Variants in ABCB1 observed in about 807,000 individuals in gnomAD.
ABCB1 encodes the protein ATP-dependent translocase ABCB1.
A neutral mutation model predicts 142.0 loss-of-function variants in ABCB1; 69 were observed. The ratio of observed to expected loss-of-function variants is 0.49; its 90% CI spans 0.40 to 0.59. The LOEUF is 0.59. ABCB1 is among the 20% of genes least tolerant of loss of function. The pLI, the probability that ABCB1 is intolerant of heterozygous loss-of-function variation, is 0.00. For synonymous variants in ABCB1, 532 were observed against 539.2 expected, an observed-to-expected ratio of 0.99 and a Z score of 0.18; for missense variants, 1,326 against 1,554.7, an observed-to-expected ratio of 0.85 and a Z score of 2.47.
chr7:87,567,821 G>A lies in ABCB1; in HGVS notation c.339-845C>T, dbSNP rs28381845. ...ATTTAAAAAAGCAAACAGGCCAGGC[G>A]TGGTGGCTCACGCCTATAATCCCAG... On this transcript the variant is annotated intron_variant, in intron 5 of 27. Coordinates refer to ENST00000622132, the MANE Select transcript of ABCB1 (RefSeq NM_001348946.2). 3.5e-3 allele frequency among the ~76,000 whole-genome samples: 533 copies of A among 152,254 alleles called. 1 individual carries two copies. The highest frequency in any genetic ancestry group is 0.011 in the African/African-American group (440 of 41,548).
chr7:87,528,191 G>A (rs903884033), intron 21 of ABCB1, among the ~76,000 whole-genome samples: 2 of 152,158 alleles, frequency 1.3e-5, no homozygotes, highest in African/African-American at 4.8e-5. Context: ...GGTGAGATTT[G>A]GATGAGGACA....
At chr7:87,710,462 T>C in intron 1 of ABCB1, 1 of 647,156 alleles carries the variant, frequency 1.5e-6, no homozygotes, top group Non-Finnish European at 2.7e-6. Context: ...CGTTATCAAA[T>C]GTATATTTTG....
chr7:87,513,947 C>G (rs1379929558), intron 25 of ABCB1, among the ~76,000 whole-genome samples: 1 of 152,136 alleles, frequency 6.6e-6, no homozygotes, highest in Non-Finnish European at 1.5e-5. Context: ...TATTTAGAGT[C>G]CTGTTTTTAA....
intron 1 of ABCB1, among the ~76,000 whole-genome samples, chr7:87,652,127 GC>G (rs1823638255): frequency 6.6e-6 from 1 of 152,038 alleles, no homozygotes; most frequent in Non-Finnish European, 1.5e-5. Context: ...TATAAACAAT[GC>G]CTAACTAAAA....
intron 8 of ABCB1, among the ~76,000 whole-genome samples, chr7:87,556,346 T>C (rs747256651): frequency 1.3e-5 from 2 of 152,230 alleles, no homozygotes; most frequent in Non-Finnish European, 2.9e-5. Flanking sequence ...GAGAAAAATA[T>C]TTTTAAGTGA....
At chr7:87,532,863 C>T (rs1175432089) in intron 20 of ABCB1, among the ~76,000 whole-genome samples, 2 of 152,122 alleles carry the variant, frequency 1.3e-5, no homozygotes, top group Non-Finnish European at 2.9e-5. Flanking sequence ...CATCGGGACC[C>T]CTTTCTAGTA....
intron 21 of ABCB1, among the ~76,000 whole-genome samples, chr7:87,523,215 C>A (rs1011083709): frequency 1.3e-5 from 2 of 152,116 alleles, no homozygotes; most frequent in Admixed American, 6.6e-5. Flanking sequence ...CCTGGGTAAG[C>A]AATCCTCCTG....
At chr7:87,586,699 T>C (rs1036791959) in intron 3 of ABCB1, among the ~76,000 whole-genome samples, 1 of 152,126 alleles carries the variant, frequency 6.6e-6, no homozygotes, top group African/African-American at 2.4e-5. Flanking sequence ...TTACATATAC[T>C]TCACAAGGGG....
At position 87,626,360 on chromosome 7, in the gene ABCB1, A is replaced by G. The variant is rs560961026; in HGVS notation, c.-330-25282T>C. Among the ~76,000 whole-genome samples, 30 of 23,360 alleles carry G rather than the reference A, an allele frequency of 1.3e-3. 7 individuals are homozygous for G. Among genetic ancestry groups the G allele is most frequent in the African/African-American group, 3.0e-3 (7 of 2,318 alleles). The allele number at this position is 23,360 out of a possible 152,430, so 15.3% of individuals were successfully genotyped here. A position where few individuals can be genotyped will look rare whatever the true frequency, so the allele number is the denominator to read the frequency against. ...CGTATATGTGTCATATATATGTGTCATATATATGTGTCATATGTATGTGTC... is the reference window on the plus strand; with the variant it reads ...CGTATATGTGTCATATATATGTGTCGTATATATGTGTCATATGTATGTGTC... On this transcript the variant is annotated intron_variant, in intron 1 of 28. Transcript: ENST00000265724.
intron 19 of ABCB1, among the ~76,000 whole-genome samples, chr7:87,538,338 A>G (rs1420116882): frequency 6.6e-6 from 1 of 152,192 alleles, no homozygotes; most frequent in Non-Finnish European, 1.5e-5. Context: ...TCTCACTTAG[A>G]TTCAGTCCTG....
chr7:87,506,135 C>G (rs1814729741), intron 26 of ABCB1, 92 bp from the exon 27 acceptor site: 3 of 1,345,424 alleles, frequency 2.2e-6, no homozygotes, highest in Non-Finnish European at 2.1e-6. Context: ...ATTCTATATA[C>G]TCCAAAAATT....
chr7:87,660,536 T>A (rs1293350466), intron 1 of ABCB1, among the ~76,000 whole-genome samples: 1 of 152,046 alleles, frequency 6.6e-6, no homozygotes, highest in Non-Finnish European at 1.5e-5. Flanking sequence ...CGTTAGTTCC[T>A]TTTTCTTTTT....
chr7:87,666,171 A>C lies in ABCB1; in HGVS notation c.-331+46990T>G, dbSNP rs997598847. Among the ~76,000 whole-genome samples, 4 of 152,100 alleles carry C rather than the reference A, an allele frequency of 2.6e-5. No homozygotes were observed. In the East Asian group the frequency reaches 7.7e-4, roughly 29 times the overall value. ...CACCTGTTATTTTTGACTTTTTAGT[A>C]ATAGCCATTCTGACTGGTGTGAGAT... On this transcript the variant is annotated intron_variant, in intron 1 of 28. Coordinates refer to the ABCB1 transcript ENST00000265724.
Position 87,546,012 on chromosome 7 carries a change from G to A in ABCB1, c.1738C>T (p.Arg580Trp), listed in dbSNP as rs200224345. The A allele has an allele frequency of 6.2e-6, 10 of 1,613,898 alleles. No homozygotes were observed. The highest frequency in any genetic ancestry group is 1.7e-5 in the Admixed American group (1 of 59,998). Residue 580 changes from arginine to tryptophan, a missense_variant, in exon 15 of 28, where the codon CGG becomes TGG. Arg to Trp is a moderately radical substitution (Grantham distance 101). Transcript: ENST00000622132. ...CGATGAGCTATCACAATGGTGGTCCGACCTTTTCTGGCCTAAAGAGAGAGA... is the reference window on the plus strand; with the variant it reads ...CGATGAGCTATCACAATGGTGGTCCAACCTTTTCTGGCCTAAAGAGAGAGA... ...QVALDKARKG[R>W]TTIVIAHRLS...
At chr7:87,541,288 T>G (rs1378719886) in intron 18 of ABCB1, 69 bp downstream of exon 18, 2 of 1,088,578 alleles carry the variant, frequency 1.8e-6, no homozygotes, top group Admixed American at 3.6e-5. Context: ...ACACTGATGT[T>G]TATAAATCCC....
At position 87,566,835 on chromosome 7, in the gene ABCB1, T is replaced by C. The variant is rs200823786; in HGVS notation, c.480A>G (p.Ile160Met). ...QFFHAIMRQE[I>M]GWFDVHDVGE... ...CAACATCGTGCACATCAAACCAGCC[T>C]ATCTCCTGTCGCATTATAGCATGAA... Residue 160 changes from isoleucine (I) to methionine (M), a missense_variant, in exon 6 of 28, where the codon ATA becomes ATG. Ile to Met is a conservative substitution (Grantham distance 10). Coordinates refer to ENST00000622132, the MANE Select transcript of ABCB1 (RefSeq NM_001348946.2). 1.7e-5 allele frequency: 28 copies of C among 1,614,100 alleles called. No individual in the cohort carries two copies. The highest frequency in any genetic ancestry group is 2.3e-5 in the Non-Finnish European group (27 of 1,180,048).
chr7:87,649,626 A>G (rs1465711113), intron 1 of ABCB1, among the ~76,000 whole-genome samples: 2 of 152,194 alleles, frequency 1.3e-5, no homozygotes, highest in African/African-American at 4.8e-5. Context: ...CTGATAAGGA[A>G]AAATATAGTA....
At chr7:87,508,891 G>A (rs1468216366) in intron 26 of ABCB1, among the ~76,000 whole-genome samples, 1 of 152,100 alleles carries the variant, frequency 6.6e-6, no homozygotes, top group East Asian at 1.9e-4. Context: ...GTGCAGGTGG[G>A]GACCCAGACT....
chr7:87,682,908 G>A (rs1008913092), intron 1 of ABCB1, among the ~76,000 whole-genome samples: 2 of 152,184 alleles, frequency 1.3e-5, no homozygotes, highest in African/African-American at 4.8e-5. Flanking sequence ...GGTTTAGATG[G>A]CATCTTCTTC....
Sources: gnomAD v4.1 joint callset for allele counts (sites outside exome capture counted in the v4.1 genomes callset) on GRCh38, gnomAD v4.1.1 for gene constraint, MANE v1.5 for transcripts, NCBI Gene and HGNC (gene_info 2026-07-23, HGNC 2026-07-21) for gene names.